SLC27A6: variants seen among roughly 807,000 people sequenced by gnomAD.
SLC27A6 encodes the protein solute carrier family 27 member 6, also known as long-chain fatty acid transport protein 6.
Under a neutral mutation model 63.9 loss-of-function variants are expected in SLC27A6, and 74 were observed. The ratio of observed to expected loss-of-function variants is 1.16; its 90% CI spans 0.96 to 1.40. SLC27A6 has a LOEUF of 1.40. SLC27A6 is among the 40% of genes most tolerant of loss of function. The probability of loss-of-function intolerance (pLI) is 0.00; values close to 1 mark genes in which losing one functional copy is unlikely to be tolerated. For synonymous variants in SLC27A6, 287 were observed against 260.8 expected (o/e 1.10, Z -0.97); for missense variants, 794 against 732.9 (o/e 1.08, Z -0.96).
chr5:128,974,402 T>C (rs530142988), intron 1 of SLC27A6, among the ~76,000 whole-genome samples: 2 of 152,320 alleles, frequency 1.3e-5, no homozygotes, highest in East Asian at 3.9e-4. Flanking sequence ...CTTTCTGGCA[T>C]ACCTTCAAAT....
chr5:129,029,526 T>C (rs977962040), intron 8 of SLC27A6, 51 bp from the exon 9 acceptor site: 1 of 1,296,902 alleles, frequency 7.7e-7, no homozygotes, highest in African/African-American at 1.5e-5. Flanking sequence ...GAATTATCTT[T>C]TAAAGTTTAT....
chr5:129,005,681 C>T (rs1165196154), intron 4 of SLC27A6, among the ~76,000 whole-genome samples: 1 of 133,438 alleles, frequency 7.5e-6, no homozygotes, highest in Non-Finnish European at 1.5e-5. Context: ...GGCCTGATCT[C>T]GGCTCACTGC....
intron 1 of SLC27A6, among the ~76,000 whole-genome samples, chr5:128,969,313 A>G (rs2150125702): frequency 1.3e-5 from 2 of 150,042 alleles, no homozygotes; most frequent in South Asian, 2.1e-4. Context: ...AGTCATTGGT[A>G]GCTTGATGGG....
At position 128,988,628 on chromosome 5, in the gene SLC27A6, G is replaced by C; in HGVS notation, c.714G>C (p.Gln238His). The change falls in exon 3 of 10, where the codon CAG (glutamine) becomes CAC (histidine). Residue 238 changes from glutamine to histidine, a missense_variant. Coordinates refer to ENST00000262462, the MANE Select transcript of SLC27A6 (RefSeq NM_001017372.3). ...TGLPKAAVISQLQVLRGSAVL... is the reference protein window; with the variant it reads ...TGLPKAAVISHLQVLRGSAVL... ...TACCAAAAGCAGCTGTGATTAGTCA[G>C]CTGCAGGTTTTAAGGGGTTCTGCTG... The C allele has an allele frequency of 6.2e-7, 1 of 1,613,938 alleles. No individual in the cohort carries two copies. The highest frequency in any genetic ancestry group is 8.5e-7 in the Non-Finnish European group (1 of 1,179,942).
At chr5:129,007,951 A>G (rs1036867345) in intron 4 of SLC27A6, among the ~76,000 whole-genome samples, 1 of 152,096 alleles carries the variant, frequency 6.6e-6, no homozygotes, top group Admixed American at 6.5e-5. Context: ...ATTTGGAATA[A>G]TGTCCAGAAT....
chr5:129,018,887 A>G lies in SLC27A6; in HGVS notation c.1164+2808A>G, dbSNP rs1212797965. On this transcript the variant is annotated intron_variant, in intron 5 of 9. Transcript: ENST00000262462. The stretch of plus-strand genomic sequence containing the variant: ...ATGAAAAAACAAAGTTGTGCCTAAT[A>G]CTTTATGACTTCTAGTCTGTCTTTT... 3.9e-5 allele frequency among the ~76,000 whole-genome samples: 6 copies of G among 152,150 alleles called. No individual in the cohort carries two copies. The East Asian group carries it at 5.8e-4, about 15-fold the overall frequency.
rs1389204270 is a variant in SLC27A6 at position 128,988,709 on chromosome 5, G to A, written c.795G>A (p.Leu265=). ...ACATTGTTTATATAACCCTTCCTCT[G>A]TATCATAGTTCAGCAGCTATCCTGG... The part of the protein sequence containing the change: ...AHDIVYITLP[L]YHSSAAILGI... The change falls in exon 3 of 10, where the codon CTG becomes CTA. Residue 265 remains leucine (L), a synonymous_variant. Transcript: ENST00000262462. 3.7e-6 allele frequency: 6 copies of A among 1,613,442 alleles called. No homozygotes were observed. The highest frequency in any genetic ancestry group is 5.1e-6 in the Non-Finnish European group (6 of 1,179,686).
chr5:129,016,632 C>A (rs747360196), intron 5 of SLC27A6, among the ~76,000 whole-genome samples: 1 of 151,534 alleles, frequency 6.6e-6, no homozygotes, highest in Non-Finnish European at 1.5e-5. Flanking sequence ...TGTTCTGTTT[C>A]CAAATTTAAT....
chr5:128,982,861 A>G (rs1043021527), intron 1 of SLC27A6, among the ~76,000 whole-genome samples: 3 of 152,212 alleles, frequency 2.0e-5, no homozygotes, highest in African/African-American at 7.2e-5. Context: ...AAAAATTAAT[A>G]AGACATCTTA....
chr5:129,029,159 A>C (rs1400041190), intron 8 of SLC27A6, among the ~76,000 whole-genome samples: 1 of 152,080 alleles, frequency 6.6e-6, no homozygotes, highest in African/African-American at 2.4e-5. Context: ...CAATTATGGA[A>C]ATACGAGTTT....
chr5:128,988,058 G>A (rs1205493024), intron 2 of SLC27A6, among the ~76,000 whole-genome samples: 2 of 152,044 alleles, frequency 1.3e-5, no homozygotes, highest in Non-Finnish European at 2.9e-5. Context: ...ATACCATGTT[G>A]CATCCAAAGG....
chr5:128,999,145 A>G (rs949896250), intron 4 of SLC27A6, among the ~76,000 whole-genome samples: 2 of 152,134 alleles, frequency 1.3e-5, no homozygotes, highest in South Asian at 2.1e-4. Context: ...TGATAGGATG[A>G]TTAATGAGTT....
rs771738405 is a variant in SLC27A6, at chr5:129,023,686, G to T, written c.1231G>T (p.Gly411Cys). The change falls in exon 6 of 10, where the codon GGT becomes TGT. Residue 411 changes from glycine to cysteine, a missense_variant. Physicochemically the swap from Gly to Cys is radical, Grantham distance 159. Transcript: ENST00000262462. ...AGATGAACCCATGAGAAATGAGCAG[G>T]GTTGGTGTATTCATGTGAAAAAAGG... is the stretch of plus-strand genomic sequence containing the variant. ...QKDEPMRNEQGWCIHVKKGEP... is the reference protein window; with the variant it reads ...QKDEPMRNEQCWCIHVKKGEP... 6.2e-7 allele frequency: 1 copy of T among 1,609,428 alleles called. No homozygotes were observed. The highest frequency in any genetic ancestry group is 8.5e-7 in the Non-Finnish European group (1 of 1,177,704).
intron 8 of SLC27A6, among the ~76,000 whole-genome samples, chr5:129,028,668 T>A (rs955106947): frequency 5.9e-5 from 9 of 151,786 alleles, no homozygotes; most frequent in Non-Finnish European, 1.2e-4. Context: ...ATTTTTTTTT[T>A]TTTTTAGCAA....
At chr5:129,018,143 C>T (rs1013127755) in intron 5 of SLC27A6, among the ~76,000 whole-genome samples, 1 of 151,990 alleles carries the variant, frequency 6.6e-6, no homozygotes, top group Non-Finnish European at 1.5e-5. Flanking sequence ...TCCAGAGCAC[C>T]CTACTCAAGC....
Position 128,966,601 on chromosome 5 carries a change from C to A in SLC27A6, c.464C>A (p.Ala155Asp), listed in dbSNP as rs755563622. ...TGCATCCGCGCCTGTGGGCCCAGAG[C>A]CCTAGTGGTGGGCGCAGGTAGAGTA... Reference protein sequence around the residue: ...LNCIRACGPRALVVGADLLGT... With the variant: ...LNCIRACGPRDLVVGADLLGT... Residue 155 changes from alanine (A) to aspartate (D), a missense_variant, in exon 1 of 10, where the codon GCC (alanine) becomes GAC (aspartate). Transcript: ENST00000262462. The A allele has an allele frequency of 6.5e-7, 1 of 1,527,388 alleles. No individual in the cohort carries two copies. Among genetic ancestry groups the A allele is most frequent in the Non-Finnish European group, 8.7e-7 (1 of 1,145,880 alleles). The allele number at this position is 1,527,388 out of a possible 1,614,324, so 94.6% of individuals were successfully genotyped here.
At chr5:128,967,164 A>G (rs1402763600) in intron 1 of SLC27A6, among the ~76,000 whole-genome samples, 1 of 147,426 alleles carries the variant, frequency 6.8e-6, no homozygotes, top group Non-Finnish European at 1.5e-5. Context: ...GGCAGACTCT[A>G]GGAGCCTTTC....
chr5:128,981,107 A>G (rs998338802), intron 1 of SLC27A6, among the ~76,000 whole-genome samples: 12 of 152,236 alleles, frequency 7.9e-5, no homozygotes, highest in Admixed American at 7.2e-4. Flanking sequence ...GGAAAAAAAT[A>G]TGTAATTTTT....
chr5:129,029,680 T>C lies in SLC27A6; in HGVS notation c.1656T>C (p.Tyr552=), dbSNP rs1217556201. Residue 552 remains tyrosine (Y), a synonymous_variant, in exon 9 of 10, where the codon TAT becomes TAC. Coordinates refer to ENST00000262462, the MANE Select transcript of SLC27A6 (RefSeq NM_001017372.3). ...AAGTTGTAACATTTCTACCAGCTTA[T>C]GCTTGTCCACGATTTTTAAGAATTC... ...YEQVVTFLPA[Y]ACPRFLRIQE... 1.9e-6 allele frequency: 3 copies of C among 1,601,782 alleles called. No individual in the cohort carries two copies. The highest frequency in any genetic ancestry group is 8.5e-7 in the Non-Finnish European group (1 of 1,176,192).
Sources: allele counts gnomAD v4.1 joint callset (sites outside exome capture counted in the v4.1 genomes callset), GRCh38; gene constraint gnomAD v4.1.1; transcripts MANE v1.5; gene names NCBI Gene and HGNC (gene_info 2026-07-23, HGNC 2026-07-21).